The following MAP3K13 variants were observed in gnomAD, a reference collection of about 807,000 sequenced individuals.
The protein encoded by MAP3K13 is leucine zipper-bearing kinase.
Under a neutral mutation model 104.0 loss-of-function variants are expected in MAP3K13, and 52 were observed. That is an observed-to-expected ratio of 0.50 (90% CI 0.40 to 0.63). The LOEUF (loss-of-function observed/expected upper bound fraction) is 0.63. Ranked by LOEUF, MAP3K13 falls within the 20% of genes least tolerant of loss-of-function variation. The probability of loss-of-function intolerance (pLI) is 0.00; values close to 1 mark genes in which losing one functional copy is unlikely to be tolerated. For missense variants in MAP3K13, 914 were observed against 1,218.5 expected, an observed-to-expected ratio of 0.75 and a Z score of 3.72; for synonymous variants, 394 against 442.2, an observed-to-expected ratio of 0.89 and a Z score of 1.37.
intron 1 of MAP3K13, among the ~76,000 whole-genome samples, chr3:185,364,180 A>C (rs917430665): frequency 2.2e-4 from 34 of 152,224 alleles, no homozygotes; most frequent in African/African-American, 8.2e-4. Context: ...AACATGGAAA[A>C]GTTCTGATAT....
chr3:185,477,370 T>C lies in MAP3K13; in HGVS notation c.2475T>C (p.Ser825=), dbSNP rs1718190661. ...AAGAGGAAGAAGGGGAAGTAGATAG[T>C]GAAGTTGAATTTCCACGAAGACAGA... ...SSEEEEGEVD[S]EVEFPRRQRP... Residue 825 remains serine (S), a synonymous_variant, in exon 12 of 14, where the codon AGT becomes AGC. Coordinates refer to ENST00000265026, the MANE Select transcript of MAP3K13 (RefSeq NM_004721.5). 5 of 1,612,998 alleles carry C rather than the reference T, an allele frequency of 3.1e-6. No homozygotes were observed. The East Asian group carries it at 1.1e-4, about 36-fold the overall frequency.
intron 2 of MAP3K13, among the ~76,000 whole-genome samples, chr3:185,303,237 T>C (rs1381098026): frequency 6.6e-6 from 1 of 152,222 alleles, no homozygotes; most frequent in African/African-American, 2.4e-5. Context: ...TGTTTGCTAA[T>C]ATTTTGTTCA....
upstream of MAP3K13, among the ~76,000 whole-genome samples, chr3:185,360,806 C>T (rs907654398): frequency 1.4e-5 from 2 of 142,050 alleles, no homozygotes; most frequent in Non-Finnish European, 3.0e-5. Context: ...AAAACTTCTA[C>T]AACAGCTTTA....
In MAP3K13 at chr3:185,486,255, T is replaced by C. The variant is rs1460089883; in HGVS notation, c.*3799T>C. 3 of 152,208 alleles carry C rather than the reference T, an allele frequency of 2.0e-5. No homozygotes were observed. The highest frequency in any genetic ancestry group is 2.9e-5 in the Non-Finnish European group (2 of 68,020). 9.4% of individuals were successfully genotyped at this position (152,208 alleles called of 1,614,324 possible). ...GTTATGCTATTGTCATCATACACCT[T>C]ATGTGGATTAACTGTTATGAGTATG... is the stretch of plus-strand genomic sequence containing the variant. On this transcript the variant is annotated 3_prime_UTR_variant, in exon 14 of 14. Coordinates refer to ENST00000265026, the MANE Select transcript of MAP3K13 (RefSeq NM_004721.5).
At chr3:185,453,934 G>T (rs866066719) in intron 7 of MAP3K13, among the ~76,000 whole-genome samples, 3 of 30,750 alleles carry the variant, frequency 9.8e-5, no homozygotes, top group Non-Finnish European at 1.7e-4. Context: ...ATATATATGA[G>T]ATATATATGA....
chr3:185,425,965 C>A (rs530918308), intron 1 of MAP3K13, among the ~76,000 whole-genome samples: 1 of 152,126 alleles, frequency 6.6e-6, no homozygotes, highest in South Asian at 2.1e-4. Context: ...GGGTAGGAAC[C>A]TATGGACCAT....
intron 2 of MAP3K13, among the ~76,000 whole-genome samples, chr3:185,331,486 G>A (rs1472925112): frequency 1.5e-5 from 2 of 131,676 alleles, no homozygotes; most frequent in African/African-American, 5.5e-5. Flanking sequence ...ATGCCTGTGT[G>A]TGTATGTGTG....
chr3:185,430,650 T>G (rs1714689281), intron 2 of MAP3K13, among the ~76,000 whole-genome samples: 1 of 152,208 alleles, frequency 6.6e-6, no homozygotes, highest in Non-Finnish European at 1.5e-5. Flanking sequence ...CTCATTAATA[T>G]TCTTCAAAGT....
intron 5 of MAP3K13, among the ~76,000 whole-genome samples, chr3:185,449,097 C>T (rs546032032): frequency 2.3e-4 from 35 of 152,056 alleles, no homozygotes; most frequent in Admixed American, 4.6e-4. Context: ...AAAAGCCAGG[C>T]GCAGTGGCTC....
At chr3:185,293,939 C>G (rs1553784932) in intron 2 of MAP3K13, among the ~76,000 whole-genome samples, 4 of 152,042 alleles carry the variant, frequency 2.6e-5, no homozygotes, top group Non-Finnish European at 2.9e-5. Context: ...AATATCTATT[C>G]TGATAATAGC....
At chr3:185,347,341 A>G (rs984852369) in intron 2 of MAP3K13, among the ~76,000 whole-genome samples, 3 of 152,188 alleles carry the variant, frequency 2.0e-5, no homozygotes, top group African/African-American at 7.2e-5. Flanking sequence ...ATACAGATAT[A>G]TCAAGGTGTA....
chr3:185,385,280 G>A (rs560661133), intron 1 of MAP3K13, among the ~76,000 whole-genome samples: 9 of 152,106 alleles, frequency 5.9e-5, no homozygotes, highest in Middle Eastern at 3.4e-3. Flanking sequence ...CCTCCCGAGT[G>A]GCTGGGATTA....
At chr3:185,333,726 T>A (rs1283315615) in intron 2 of MAP3K13, among the ~76,000 whole-genome samples, 1 of 151,970 alleles carries the variant, frequency 6.6e-6, no homozygotes, top group Non-Finnish European at 1.5e-5. Context: ...AGACTTCATA[T>A]CCATTTAAAA....
chr3:185,451,867 C>CAA (rs1265471490), intron 7 of MAP3K13, among the ~76,000 whole-genome samples: 3 of 54,822 alleles, frequency 5.5e-5, no homozygotes, highest in Admixed American at 2.1e-4. Flanking sequence ...AACACCGCCT[C>CAA]AAAAAAAAAA....
intron 2 of MAP3K13, among the ~76,000 whole-genome samples, chr3:185,337,059 C>CT (rs1228183396): frequency 6.6e-6 from 1 of 151,672 alleles, no homozygotes; most frequent in African/African-American, 2.4e-5. Flanking sequence ...AAGACTAAAT[C>CT]TTTTTTAAAA....
upstream of MAP3K13, among the ~76,000 whole-genome samples, chr3:185,358,972 G>C (rs1158819257): frequency 6.6e-6 from 1 of 152,162 alleles, no homozygotes; most frequent in East Asian, 1.9e-4. Context: ...AAATGACTTG[G>C]ATGAACTTCC....
At chr3:185,334,338 A>G (rs1040854497) in intron 2 of MAP3K13, among the ~76,000 whole-genome samples, 13 of 152,220 alleles carry the variant, frequency 8.5e-5, no homozygotes, top group African/African-American at 2.9e-4. Flanking sequence ...TGAAAATACA[A>G]AAGATATACA....
intron 1 of MAP3K13, among the ~76,000 whole-genome samples, chr3:185,408,533 C>T (rs184008755): frequency 1.3e-3 from 197 of 151,752 alleles, no homozygotes; most frequent in African/African-American, 4.6e-3. Flanking sequence ...AATCATGCCA[C>T]TGCACTCCAG....
In MAP3K13 at chr3:185,463,666, T is replaced by G. The variant is rs749757467; in HGVS notation, c.1388+7T>G. The G allele has an allele frequency of 6.4e-7, 1 of 1,559,676 alleles. No homozygotes were observed. Among genetic ancestry groups the G allele is most frequent in the Non-Finnish European group, 8.8e-7 (1 of 1,132,000 alleles). ...GGCGCAGAGAAGAGCTCAGGTCAGC[T>G]CATCCCTCCTTCCCCACCTCCCTTC... On this transcript the variant is annotated splice_region_variant and intron_variant, in intron 8 of 13. Transcript: ENST00000265026.
Sources: allele counts gnomAD v4.1 joint callset (sites outside exome capture counted in the v4.1 genomes callset), GRCh38; gene constraint gnomAD v4.1.1; transcripts MANE v1.5; gene names NCBI Gene and HGNC (gene_info 2026-07-23, HGNC 2026-07-21).